Variants in MAP3K2 observed in about 807,000 individuals in gnomAD.
MAP3K2 encodes the protein mitogen-activated protein kinase kinase kinase 2.
A neutral mutation model predicts 80.3 loss-of-function variants in MAP3K2; 24 were observed. The ratio of observed to expected loss-of-function variants is 0.30; its 90% CI spans 0.22 to 0.42. The LOEUF is 0.42. Among genes scored for constraint, MAP3K2 ranks in the 10% least tolerant of loss-of-function variants. MAP3K2 has a pLI of 1.00. For synonymous variants in MAP3K2, 244 were observed against 253.7 expected (o/e 0.96, Z 0.36); for missense variants, 608 against 750.1 (o/e 0.81, Z 2.21).
intron 15 of MAP3K2, among the ~76,000 whole-genome samples, chr2:127,313,624 TG>T (rs1228739943): frequency 6.6e-6 from 1 of 152,188 alleles, no homozygotes; most frequent in Non-Finnish European, 1.5e-5. Context: ...AATACAAACG[TG>T]TACACATACA....
Position 127,354,157 on chromosome 2 carries a change from G to C in MAP3K2, c.-65-10963C>G, listed in dbSNP as rs1257785103. ...GAAAACCAGAGACCTTTGTTCACTT[G>C]TTTATCTGCTGACCTTCCCTCCACT... On this transcript the variant is annotated intron_variant, in intron 1 of 16. Coordinates refer to ENST00000682094, the MANE Select transcript of MAP3K2 (RefSeq NM_001371910.2). Among the ~76,000 whole-genome samples, 4 of 144,212 alleles carry C rather than the reference G, an allele frequency of 2.8e-5. No individual in the cohort carries two copies. In the Admixed American group the frequency reaches 2.9e-4, roughly 11 times the overall value. The allele number at this position is 144,212 out of a possible 152,430, so 94.6% of individuals were successfully genotyped here. A position where few individuals can be genotyped will look rare whatever the true frequency, so the allele number is the denominator to read the frequency against.
At chr2:127,326,608 C>T in intron 8 of MAP3K2, 79 bp downstream of exon 8, 9 of 1,046,336 alleles carry the variant, frequency 8.6e-6, no homozygotes, top group East Asian at 2.8e-5. Context: ...TACACACACA[C>T]ACCCAGTTAC....
At chr2:127,313,436 A>G (rs1685845439) in intron 15 of MAP3K2, among the ~76,000 whole-genome samples, 1 of 152,168 alleles carries the variant, frequency 6.6e-6, no homozygotes, top group South Asian at 2.1e-4. Context: ...ACTCTAGTAC[A>G]GGTGATCTGG....
rs1254894924 is a variant in MAP3K2 at position 127,304,138 on chromosome 2, T to C, written c.*3441A>G. On this transcript the variant is annotated 3_prime_UTR_variant, in exon 17 of 17. Transcript: ENST00000682094. ...GCAAATGCATTAATATTTTAATTCC[T>C]TATATATGTTATGTAAGGGTAACTG... 6.6e-6 allele frequency: 1 copy of C among 152,166 alleles called. No homozygotes were observed. The highest frequency in any genetic ancestry group is 1.5e-5 in the Non-Finnish European group (1 of 68,012). The allele number at this position is 152,166 out of a possible 1,614,324, so 9.4% of individuals were successfully genotyped here.
At chr2:127,349,176 T>C (rs1281559819) in intron 1 of MAP3K2, among the ~76,000 whole-genome samples, 1 of 152,094 alleles carries the variant, frequency 6.6e-6, no homozygotes, top group Admixed American at 6.5e-5. Flanking sequence ...CTTTTTTTTT[T>C]TGGAGACAGG....
chr2:127,335,602 C>A (rs1346342128), intron 5 of MAP3K2, among the ~76,000 whole-genome samples: 1 of 152,164 alleles, frequency 6.6e-6, no homozygotes, highest in African/African-American at 2.4e-5. Flanking sequence ...AAAAACAAAA[C>A]CATAAATAAG....
Position 127,308,772 on chromosome 2 carries a change from A to C in MAP3K2, c.1457-10T>G. 1 of 1,608,914 alleles carries C rather than the reference A, an allele frequency of 6.2e-7. No homozygotes were observed. The highest frequency in any genetic ancestry group is 8.5e-7 in the Non-Finnish European group (1 of 1,176,206). Reference sequence around the variant, plus strand: ...CGCAGGATATTTGCGCCTAAAAATAAGACATTGCCTCATTTCATTAATTTT... The same window carrying C: ...CGCAGGATATTTGCGCCTAAAAATACGACATTGCCTCATTTCATTAATTTT... On this transcript the variant is annotated splice_polypyrimidine_tract_variant and intron_variant, in intron 15 of 16. Coordinates refer to ENST00000682094, the MANE Select transcript of MAP3K2 (RefSeq NM_001371910.2).
chr2:127,348,383 A>G (rs886351739), intron 1 of MAP3K2, among the ~76,000 whole-genome samples: 18 of 152,274 alleles, frequency 1.2e-4, no homozygotes, highest in African/African-American at 4.1e-4. Flanking sequence ...GTGAGACTTC[A>G]TCTCCAATAA....
intron 1 of MAP3K2, among the ~76,000 whole-genome samples, chr2:127,383,094 C>A (rs1204156221): frequency 6.6e-6 from 1 of 152,090 alleles, no homozygotes; most frequent in East Asian, 1.9e-4. Context: ...TGGAGAGATG[C>A]CACACATTTT....
chr2:127,332,523 T>A (rs1686280677), intron 5 of MAP3K2, among the ~76,000 whole-genome samples: 1 of 152,202 alleles, frequency 6.6e-6, no homozygotes, highest in Middle Eastern at 3.2e-3. Flanking sequence ...CCTAATGTGA[T>A]CCTGCCTGTG....
At chr2:127,360,215 A>G (rs1376491418) in intron 1 of MAP3K2, among the ~76,000 whole-genome samples, 1 of 152,222 alleles carries the variant, frequency 6.6e-6, no homozygotes, top group East Asian at 1.9e-4. Context: ...TGATACATAC[A>G]ATAATACGGA....
In MAP3K2 at chr2:127,353,468, G is replaced by A. The variant is rs866076204; in HGVS notation, c.-65-10274C>T. ...TGAGGAGCCCCTCCGCCCAGCAGCC[G>A]TCCTGTCTGAGAAGTGAGGAGCCCC... On this transcript the variant is annotated intron_variant, in intron 1 of 16. Coordinates refer to ENST00000682094, the MANE Select transcript of MAP3K2 (RefSeq NM_001371910.2). 5.3e-5 allele frequency among the ~76,000 whole-genome samples: 8 copies of A among 151,500 alleles called. No homozygotes were observed. In the East Asian group the frequency reaches 9.7e-4, roughly 18 times the overall value.
rs1686148106 is a variant in MAP3K2 at position 127,326,699 on chromosome 2, C to T, written c.585G>A (p.Glu195=). The change falls in exon 8 of 17, where the codon GAG becomes GAA. Residue 195 remains glutamate, a synonymous_variant. Transcript: ENST00000682094. The part of the protein sequence containing the change: ...SINSEGEFIP[E]SMDQMLDPLS... ...AACTTTTGCTTACTTGGTCCATGCT[C>T]TCTGGAATGAACTCTCCTTCACTGT... 1.9e-6 allele frequency: 3 copies of T among 1,589,552 alleles called. No individual in the cohort carries two copies. Among genetic ancestry groups the T allele is most frequent in the Non-Finnish European group, 2.6e-6 (3 of 1,170,624 alleles).
intron 3 of MAP3K2, among the ~76,000 whole-genome samples, chr2:127,338,491 C>G (rs764891874): frequency 2.0e-5 from 3 of 152,146 alleles, no homozygotes; most frequent in Non-Finnish European, 4.4e-5. Flanking sequence ...TCCTGCCCTC[C>G]ACCCTCTCGC....
At chr2:127,355,323 A>G (rs1004220098) in intron 1 of MAP3K2, among the ~76,000 whole-genome samples, 2 of 152,186 alleles carry the variant, frequency 1.3e-5, no homozygotes, top group African/African-American at 4.8e-5. Flanking sequence ...ATCAGGAATA[A>G]TGCAAACGAG....
At chr2:127,367,559 G>A (rs994622925) in intron 1 of MAP3K2, among the ~76,000 whole-genome samples, 2 of 152,204 alleles carry the variant, frequency 1.3e-5, no homozygotes, top group African/African-American at 4.8e-5. Flanking sequence ...TTGGGAGGCT[G>A]AGGCAGGCAT....
intron 5 of MAP3K2, among the ~76,000 whole-genome samples, chr2:127,331,771 A>T (rs1269625039): frequency 6.6e-6 from 1 of 152,086 alleles, no homozygotes; most frequent in Non-Finnish European, 1.5e-5. Flanking sequence ...ACGCGTGGCT[A>T]ATTTTTGTAT....
At chr2:127,325,686 A>G in intron 9 of MAP3K2, 42 bp downstream of exon 9, 1 of 1,493,154 alleles carries the variant, frequency 6.7e-7, no homozygotes. Context: ...ACTCTGTCTC[A>G]AATAAACAAA....
rs1456561179 is a variant in MAP3K2 at position 127,328,397 on chromosome 2, A to AAAATGTAT, written c.466+1516_466+1523dup. 2.0e-5 allele frequency among the ~76,000 whole-genome samples: 3 copies of AAAATGTAT among 152,358 alleles called. No individual in the cohort carries two copies. The South Asian group carries it at 6.2e-4, about 32-fold the overall frequency. On this transcript the variant is annotated intron_variant, in intron 7 of 16. Coordinates refer to ENST00000682094, the MANE Select transcript of MAP3K2 (RefSeq NM_001371910.2). The stretch of plus-strand genomic sequence containing the variant: ...AACATCTGAGCTTTGTACAATGTAC[A>AAAATGTAT]AAATGTATAAATGTACAATAAGCTT...
Sources: gnomAD v4.1 joint callset for allele counts (sites outside exome capture counted in the v4.1 genomes callset) on GRCh38, gnomAD v4.1.1 for gene constraint, MANE v1.5 for transcripts, NCBI Gene and HGNC (gene_info 2026-07-23, HGNC 2026-07-21) for gene names.